Variants in MYO6 observed in about 807,000 individuals in gnomAD.
The protein encoded by MYO6 is myosin VI, also known as unconventional myosin-VI.
Under a neutral mutation model 178.7 loss-of-function variants are expected in MYO6, and 74 were observed. That is an observed-to-expected ratio of 0.41 (90% CI 0.34 to 0.50). The LOEUF (loss-of-function observed/expected upper bound fraction) is 0.50, where lower values mean the gene tolerates loss of function less well. Among genes scored for constraint, MYO6 ranks in the 20% least tolerant of loss-of-function variants. The probability of loss-of-function intolerance (pLI) is 0.09; values close to 1 mark genes in which losing one functional copy is unlikely to be tolerated. For missense variants in MYO6, 1,330 were observed against 1,547.4 expected (o/e 0.86, Z 2.36); for synonymous variants, 477 against 504.6 (o/e 0.95, Z 0.73).
chr6:75,805,002 C>CATATATATATAT lies in MYO6; in HGVS notation c.-47-12490_-47-12479dup, dbSNP rs749031242. ...ACACACATATATATATACACACACA[C>CATATATATATAT]ATATATATATATATATATATTTTTT... is the stretch of plus-strand genomic sequence containing the variant. On this transcript the variant is annotated intron_variant, in intron 1 of 34. Coordinates refer to ENST00000369977, the MANE Select transcript of MYO6 (RefSeq NM_004999.4). Among the ~76,000 whole-genome samples the CATATATATATAT allele has an allele frequency of 5.4e-3, 343 of 63,916 alleles. 6 individuals carry two copies. Among genetic ancestry groups the CATATATATATAT allele is most frequent in the Middle Eastern group, 0.026 (3 of 116 alleles). The allele number at this position is 63,916 out of a possible 152,430, so 41.9% of individuals were successfully genotyped here.
chr6:75,766,075 C>T (rs1379518688), intron 1 of MYO6, among the ~76,000 whole-genome samples: 5 of 152,292 alleles, frequency 3.3e-5, no homozygotes, highest in African/African-American at 9.6e-5. Flanking sequence ...GTAATCCCAG[C>T]ACTTTTGAAG....
rs1166132809 is a variant in MYO6 at position 75,918,140 on chromosome 6, CCTCT to C, written c.*3131_*3134del. 3 of 152,192 alleles carry C rather than the reference CCTCT, an allele frequency of 2.0e-5. No homozygotes were observed. Among genetic ancestry groups the C allele is most frequent in the African/African-American group, 4.8e-5 (2 of 41,438 alleles). 9.4% of individuals were successfully genotyped at this position (152,192 alleles called of 1,614,324 possible). A position where few individuals can be genotyped will look rare whatever the true frequency, so the allele number is the denominator to read the frequency against. On this transcript the variant is annotated 3_prime_UTR_variant, in exon 35 of 35. Coordinates refer to ENST00000369977, the MANE Select transcript of MYO6 (RefSeq NM_004999.4). Reference sequence around the variant, plus strand: ...GCACCTGTGGATTTACAAAGGGTTGCCTCTCTGTCATTCCACAACTTCAGAAGGT... The same window carrying C: ...GCACCTGTGGATTTACAAAGGGTTGCCTGTCATTCCACAACTTCAGAAGGT...
At chr6:75,842,862 A>AGAAT (rs1377005076) in intron 9 of MYO6, among the ~76,000 whole-genome samples, 1 of 152,130 alleles carries the variant, frequency 6.6e-6, no homozygotes, top group Admixed American at 6.5e-5. Flanking sequence ...TTTGGGTTTC[A>AGAAT]GAATGTACAG....
intron 1 of MYO6, among the ~76,000 whole-genome samples, chr6:75,762,031 A>G (rs1262900670): frequency 2.6e-5 from 4 of 151,216 alleles, no homozygotes; most frequent in African/African-American, 9.8e-5. Context: ...TGCCAGGTTC[A>G]CGCCATTCTC....
Position 75,912,971 on chromosome 6 carries a change from A to T in MYO6, c.3440-1092A>T, listed in dbSNP as rs537866671. Among the ~76,000 whole-genome samples, 6 of 152,314 alleles carry T rather than the reference A, an allele frequency of 3.9e-5. No homozygotes were observed. In the East Asian group the frequency reaches 1.2e-3, roughly 29 times the overall value. Reference sequence around the variant, plus strand: ...TAAAGCTTTTGCTATTTCTTGGTGTAAAAAGTAGAGTAAGAGTATTTTCAT... The same window carrying T: ...TAAAGCTTTTGCTATTTCTTGGTGTTAAAAGTAGAGTAAGAGTATTTTCAT... On this transcript the variant is annotated intron_variant, in intron 33 of 34. Coordinates refer to ENST00000369977, the MANE Select transcript of MYO6 (RefSeq NM_004999.4).
chr6:75,903,187 A>G (rs986901526), intron 30 of MYO6, among the ~76,000 whole-genome samples: 2 of 151,926 alleles, frequency 1.3e-5, no homozygotes, highest in African/African-American at 4.8e-5. Flanking sequence ...TGGTGCTGAA[A>G]AAAATGTATA....
In MYO6 at chr6:75,855,311, A is replaced by G. The variant is rs755890900; in HGVS notation, c.1223+28A>G. On this transcript the variant is annotated intron_variant, in intron 12 of 34. Coordinates refer to ENST00000369977, the MANE Select transcript of MYO6 (RefSeq NM_004999.4). Reference sequence around the variant, plus strand: ...AAGTTCCTTAAGTAATTGCACTGCAAAAATTTTGCCTTGCAGTTTGTCAAG... The same window carrying G: ...AAGTTCCTTAAGTAATTGCACTGCAGAAATTTTGCCTTGCAGTTTGTCAAG... 4 of 1,611,208 alleles carry G rather than the reference A, an allele frequency of 2.5e-6. No individual in the cohort carries two copies. The South Asian group carries it at 3.3e-5, about 13-fold the overall frequency.
chr6:75,866,289 GT>G (rs1487139543), intron 16 of MYO6, among the ~76,000 whole-genome samples: 54 of 151,580 alleles, frequency 3.6e-4, no homozygotes, highest in African/African-American at 1.3e-3. Context: ...GTGTGTGTGT[GT>G]GTGTGTGTGT....
intron 1 of MYO6, among the ~76,000 whole-genome samples, chr6:75,776,027 C>T (rs1766354169): frequency 6.6e-6 from 1 of 152,158 alleles, no homozygotes; most frequent in South Asian, 2.1e-4. Context: ...TGGTCCTTGT[C>T]CTTCACTGCT....
chr6:75,834,318 G>A (rs949066165), intron 6 of MYO6, among the ~76,000 whole-genome samples: 3 of 151,820 alleles, frequency 2.0e-5, no homozygotes, highest in Admixed American at 6.6e-5. Flanking sequence ...CTGCATCCTC[G>A]ACCTCCTGGG....
At chr6:75,880,461 G>C (rs1279670501) in intron 22 of MYO6, among the ~76,000 whole-genome samples, 1 of 152,134 alleles carries the variant, frequency 6.6e-6, no homozygotes, top group African/African-American at 2.4e-5. Flanking sequence ...CAACACTAAT[G>C]ATAGCTGATG....
intron 3 of MYO6, among the ~76,000 whole-genome samples, chr6:75,823,382 C>A (rs1458850451): frequency 6.6e-6 from 1 of 152,146 alleles, no homozygotes; most frequent in Non-Finnish European, 1.5e-5. Flanking sequence ...CTCGATGGAA[C>A]AGGCCAATGT....
At chr6:75,791,228 C>T (rs758927956) in intron 1 of MYO6, among the ~76,000 whole-genome samples, 13 of 152,148 alleles carry the variant, frequency 8.5e-5, no homozygotes, top group Non-Finnish European at 1.5e-4. Context: ...CCACCGTGCC[C>T]GGCCTAATAG....
chr6:75,762,273 G>A (rs541563040), intron 1 of MYO6, among the ~76,000 whole-genome samples: 13 of 152,280 alleles, frequency 8.5e-5, no homozygotes, highest in East Asian at 3.9e-4. Context: ...ATTATATGCC[G>A]TCACTTTGAG....
At chr6:75,911,792 A>G (rs1582011600) in intron 33 of MYO6, 94 bp downstream of exon 33, 1 of 1,204,662 alleles carries the variant, frequency 8.3e-7, no homozygotes, top group East Asian at 2.3e-5. Flanking sequence ...TTTTGCTACA[A>G]TTTTCAGTGG....
chr6:75,861,378 C>G (rs1277876434), intron 15 of MYO6, among the ~76,000 whole-genome samples: 1 of 152,128 alleles, frequency 6.6e-6, no homozygotes, highest in East Asian at 1.9e-4. Context: ...ACTTAATTGC[C>G]TAGTCAGTAA....
chr6:75,896,670 T>TG (rs1394572107), intron 29 of MYO6, among the ~76,000 whole-genome samples: 1 of 152,260 alleles, frequency 6.6e-6, no homozygotes, highest in Non-Finnish European at 1.5e-5. Flanking sequence ...TAAAGTTAAA[T>TG]GGGGCATGGA....
At position 75,877,272 on chromosome 6, in the gene MYO6, C is replaced by CT. The variant is rs767503028; in HGVS notation, c.2078-2536dup. ...ACAGGCATGAGCCACCGCGCCTCGT[C>CT]TTTTTTTTTTTTGAGACAGAGTCTC... On this transcript the variant is annotated intron_variant, in intron 20 of 34. Transcript: ENST00000369977. 7.7e-3 allele frequency among the ~76,000 whole-genome samples: 1,106 copies of CT among 143,092 alleles called. 22 individuals carry two copies. The highest frequency in any genetic ancestry group is 0.077 in the East Asian group (379 of 4,904). The allele number at this position is 143,092 out of a possible 152,430, so 93.9% of individuals were successfully genotyped here.
rs146461956 is a variant in MYO6 at position 75,914,978 on chromosome 6, A to T, written c.3824A>T (p.Tyr1275Phe). 1.2e-6 allele frequency: 2 copies of T among 1,613,524 alleles called. No individual in the cohort carries two copies. Among genetic ancestry groups the T allele is most frequent in the African/African-American group, 2.7e-5 (2 of 74,916 alleles). Residue 1275 changes from tyrosine to phenylalanine, a missense_variant, in exon 35 of 35, where the codon TAT becomes TTT. By Grantham distance (22) the Tyr-to-Phe change is conservative (BLOSUM62 3). Transcript: ENST00000369977. ...AIESRQARPT[Y>F]ATAMLQSLLK ...GAGAGCAGACAGGCTCGGCCCACCT[A>T]TGCAACAGCCATGCTGCAGAGTCTG...
Sources: allele counts gnomAD v4.1 joint callset (sites outside exome capture counted in the v4.1 genomes callset), GRCh38; gene constraint gnomAD v4.1.1; transcripts MANE v1.5; gene names NCBI Gene and HGNC (gene_info 2026-07-23, HGNC 2026-07-21).